Variants in CERS6 observed in about 807,000 individuals in gnomAD.
CERS6 encodes the protein ceramide synthase 6.
A neutral mutation model predicts 56.8 loss-of-function variants in CERS6; 26 were observed. The observed-to-expected ratio is 0.46, with a 90% CI of 0.34 to 0.63. The LOEUF is 0.63. CERS6 is among the 30% of genes least tolerant of loss of function. The pLI is 0.01. For missense variants in CERS6, 415 were observed against 467.5 expected (o/e 0.89, Z 1.04); for synonymous variants, 164 against 173.3 (o/e 0.95, Z 0.42).
At chr2:168,660,622 A>G (rs972871666) in intron 4 of CERS6, among the ~76,000 whole-genome samples, 12 of 152,210 alleles carry the variant, frequency 7.9e-5, no homozygotes, top group Non-Finnish European at 1.6e-4. Flanking sequence ...GAATTAAAAA[A>G]AAAAACTTAA....
intron 3 of CERS6, among the ~76,000 whole-genome samples, chr2:168,574,320 G>A (rs1683195533): frequency 6.6e-6 from 1 of 152,072 alleles, no homozygotes; most frequent in African/African-American, 2.4e-5. Context: ...CTCCATGACA[G>A]TAAGTTGTTC....
chr2:168,769,420 C>G (rs1326572656), intron 9 of CERS6, 90 bp from the exon 10 acceptor site: 1 of 1,164,644 alleles, frequency 8.6e-7, no homozygotes, highest in East Asian at 2.8e-5. Context: ...GGATCTGTTT[C>G]CCCTTGTGTA....
intron 3 of CERS6, among the ~76,000 whole-genome samples, chr2:168,571,468 G>C (rs1695985159): frequency 6.6e-6 from 1 of 152,118 alleles, no homozygotes; most frequent in Non-Finnish European, 1.5e-5. Context: ...TGGTAGTGGA[G>C]GATGGGCATT....
At chr2:168,576,616 T>G (rs989272974) in intron 3 of CERS6, among the ~76,000 whole-genome samples, 1 of 152,310 alleles carries the variant, frequency 6.6e-6, no homozygotes, top group African/African-American at 2.4e-5. Flanking sequence ...TATAGAGAAG[T>G]TTGAAGAATA....
At chr2:168,536,704 A>G (rs1172796946) in intron 1 of CERS6, among the ~76,000 whole-genome samples, 1 of 152,220 alleles carries the variant, frequency 6.6e-6, no homozygotes, top group Non-Finnish European at 1.5e-5. Flanking sequence ...ATGTAGTATG[A>G]TGTAATTTTG....
At position 168,456,670 on chromosome 2, in the gene CERS6, G is replaced by C; in HGVS notation, c.170+52G>C. 3 of 1,554,650 alleles carry C rather than the reference G, an allele frequency of 1.9e-6. 1 individual carries two copies. The Middle Eastern group carries it at 5.5e-4, about 283-fold the overall frequency. ...CCTCCCCCTGCGCACACACACGCGC[G>C]CACACACTCGCGCGCTCTCTGGCGC... On this transcript the variant is annotated intron_variant, in intron 1 of 9. Coordinates refer to ENST00000305747, the MANE Select transcript of CERS6 (RefSeq NM_203463.3). This position sits in a 1 kb window ranked among gnomAD's most constrained non-coding sequence, Gnocchi z 4.1.
chr2:168,463,224 T>C (rs1322806891), intron 1 of CERS6, among the ~76,000 whole-genome samples: 1 of 152,208 alleles, frequency 6.6e-6, no homozygotes, highest in Non-Finnish European at 1.5e-5. Flanking sequence ...TGGTGTCTCC[T>C]ATTTTAAAGT....
At chr2:168,708,208 A>C (rs2105380523) in intron 6 of CERS6, among the ~76,000 whole-genome samples, 1 of 152,222 alleles carries the variant, frequency 6.6e-6, no homozygotes, top group South Asian at 2.1e-4. Flanking sequence ...AATCCTCACC[A>C]TCTCCATCTG....
intron 3 of CERS6, among the ~76,000 whole-genome samples, chr2:168,566,378 A>T (rs921467542): frequency 6.6e-6 from 1 of 152,168 alleles, no homozygotes; most frequent in Non-Finnish European, 1.5e-5. Context: ...CTTTCCCCCA[A>T]TGCTGCCATA....
intron 1 of CERS6, among the ~76,000 whole-genome samples, chr2:168,513,346 A>T (rs2105351747): frequency 6.6e-6 from 1 of 152,270 alleles, no homozygotes; most frequent in East Asian, 1.9e-4. Context: ...CTTAGTTTTT[A>T]CCAGATGTCT....
intron 1 of CERS6, among the ~76,000 whole-genome samples, chr2:168,477,028 C>T (rs1031554400): frequency 6.6e-6 from 1 of 152,030 alleles, no homozygotes; most frequent in Non-Finnish European, 1.5e-5. Flanking sequence ...ATTTATTTTT[C>T]ATGGTTCTGG....
chr2:168,582,426 C>G (rs1181491167), intron 3 of CERS6, among the ~76,000 whole-genome samples: 1 of 152,100 alleles, frequency 6.6e-6, no homozygotes, highest in African/African-American at 2.4e-5. Context: ...CTTGTCACCT[C>G]TGATGCTTTT....
At chr2:168,681,089 G>A (rs1686203923) in intron 4 of CERS6, among the ~76,000 whole-genome samples, 1 of 152,200 alleles carries the variant, frequency 6.6e-6, no homozygotes, top group Admixed American at 6.5e-5. Flanking sequence ...ATGTGTGAAT[G>A]AGAAGCGTGC....
chr2:168,628,216 C>A (rs556101929), intron 3 of CERS6, among the ~76,000 whole-genome samples: 1 of 152,222 alleles, frequency 6.6e-6, no homozygotes, highest in African/African-American at 2.4e-5. Context: ...ACTTAGTAGA[C>A]CCATGCTGCC....
intron 2 of CERS6, among the ~76,000 whole-genome samples, chr2:168,554,804 A>T (rs1240530752): frequency 6.6e-6 from 1 of 152,250 alleles, no homozygotes; most frequent in African/African-American, 2.4e-5. Flanking sequence ...GCACGTATAA[A>T]TAACAAAGTA....
intron 1 of CERS6, among the ~76,000 whole-genome samples, chr2:168,463,615 A>G (rs1381779125): frequency 6.6e-6 from 1 of 152,218 alleles, no homozygotes; most frequent in Non-Finnish European, 1.5e-5. Flanking sequence ...TATCATTGGA[A>G]AAAATCTGGA....
At chr2:168,742,607 G>A (rs1683947496) in intron 8 of CERS6, among the ~76,000 whole-genome samples, 1 of 152,152 alleles carries the variant, frequency 6.6e-6, no homozygotes, top group African/African-American at 2.4e-5. Flanking sequence ...GTAAGATTGT[G>A]GGCAAATATC....
chr2:168,557,505 G>A (rs998444790), intron 2 of CERS6, among the ~76,000 whole-genome samples: 14 of 152,076 alleles, frequency 9.2e-5, no homozygotes, highest in African/African-American at 1.7e-4. Flanking sequence ...TGGTACTGGC[G>A]CATTAATAAA....
At chr2:168,759,373 G>A (rs960997590) in intron 8 of CERS6, among the ~76,000 whole-genome samples, 3 of 152,174 alleles carry the variant, frequency 2.0e-5, no homozygotes, top group Non-Finnish European at 4.4e-5. Flanking sequence ...GAACAAACCC[G>A]CGTGAGTATG....
Sources: gnomAD v4.1 joint callset for allele counts (sites outside exome capture counted in the v4.1 genomes callset) on GRCh38, gnomAD v4.1.1 for gene constraint, Gnocchi (gnomAD v3.1) non-coding constraint, MANE v1.5 for transcripts, NCBI Gene and HGNC (gene_info 2026-07-23, HGNC 2026-07-21) for gene names.